Variants in CACNA2D3 observed in about 807,000 individuals in gnomAD.
CACNA2D3 encodes the protein voltage-dependent calcium channel subunit alpha-2/delta-3.
In CACNA2D3, 60 loss-of-function variants were observed where a neutral mutation model predicts 160.6. That is an observed-to-expected ratio of 0.37 (90% confidence interval 0.30 to 0.46). The LOEUF (loss-of-function observed/expected upper bound fraction) is 0.46, where lower values mean the gene tolerates loss of function less well. CACNA2D3 is among the 20% of genes least tolerant of loss of function. The pLI is 1.00. For missense variants in CACNA2D3, 1,205 were observed against 1,365.0 expected (o/e 0.88, Z 1.85); for synonymous variants, 558 against 492.9 (o/e 1.13, Z -1.75).
intron 13 of CACNA2D3, among the ~76,000 whole-genome samples, chr3:54,772,885 A>G (rs1702345350): frequency 6.6e-6 from 1 of 152,246 alleles, no homozygotes. Flanking sequence ...GGATAGAACC[A>G]GTATCAAACC....
intron 27 of CACNA2D3, among the ~76,000 whole-genome samples, chr3:54,963,433 G>A (rs761586966): frequency 3.3e-5 from 5 of 152,182 alleles, no homozygotes; most frequent in East Asian, 1.9e-4. Flanking sequence ...GTCCAGTACC[G>A]TAGCCTCTAG....
At chr3:54,938,235 C>T (rs745377487) in intron 27 of CACNA2D3, among the ~76,000 whole-genome samples, 2 of 152,224 alleles carry the variant, frequency 1.3e-5, no homozygotes, top group Non-Finnish European at 2.9e-5. Flanking sequence ...CTGGATGGGA[C>T]GTAACATTTC....
rs915111861 is a variant in CACNA2D3, at chr3:54,973,643, T to C, written c.2556+3799T>C. 3.1e-4 allele frequency among the ~76,000 whole-genome samples: 47 copies of C among 152,230 alleles called. 1 individual carries two copies. The highest frequency in any genetic ancestry group is 1.1e-3 in the African/African-American group (47 of 41,552). On this transcript the variant is annotated intron_variant, in intron 29 of 37. Transcript: ENST00000474759. Reference sequence around the variant, plus strand: ...CCAGGCAGCCAGGCGCCTGCCTGCATGTTGGACTGCCCACCTCAGCCAGAG... The same window carrying C: ...CCAGGCAGCCAGGCGCCTGCCTGCACGTTGGACTGCCCACCTCAGCCAGAG...
intron 9 of CACNA2D3, among the ~76,000 whole-genome samples, chr3:54,615,185 C>T (rs1368968076): frequency 6.6e-6 from 1 of 152,178 alleles, no homozygotes; most frequent in Non-Finnish European, 1.5e-5. Context: ...TATGTTGCAG[C>T]TTCTGATGAA....
chr3:54,704,306 G>A (rs1215460007), intron 11 of CACNA2D3, among the ~76,000 whole-genome samples: 2 of 152,222 alleles, frequency 1.3e-5, no homozygotes, highest in Non-Finnish European at 2.9e-5. Flanking sequence ...TGCATTAAAT[G>A]TGGTGTGACA....
intron 3 of CACNA2D3, among the ~76,000 whole-genome samples, chr3:54,374,223 C>T (rs1698970855): frequency 1.3e-5 from 2 of 152,242 alleles, no homozygotes; most frequent in African/African-American, 4.8e-5. Flanking sequence ...CACCAACGAT[C>T]TCCGGTGTCT....
At chr3:54,873,605 G>A (rs531672591) in intron 18 of CACNA2D3, among the ~76,000 whole-genome samples, 64 of 152,176 alleles carry the variant, frequency 4.2e-4, no homozygotes, top group African/African-American at 1.4e-3. Context: ...CATTGGATTC[G>A]CAGCCTCACG....
chr3:54,688,013 A>T (rs1700502697), intron 11 of CACNA2D3, among the ~76,000 whole-genome samples: 1 of 152,150 alleles, frequency 6.6e-6, no homozygotes, highest in Non-Finnish European at 1.5e-5. Context: ...TTGCGTCGTT[A>T]TTAACCAGAA....
intron 13 of CACNA2D3, among the ~76,000 whole-genome samples, chr3:54,772,299 T>C (rs1445014908): frequency 1.3e-5 from 2 of 151,682 alleles, no homozygotes; most frequent in African/African-American, 2.4e-5. Flanking sequence ...CAGCAGTAAA[T>C]ATAATTATAT....
At chr3:54,622,180 A>G (rs900601880) in intron 9 of CACNA2D3, among the ~76,000 whole-genome samples, 1 of 152,174 alleles carries the variant, frequency 6.6e-6, no homozygotes, top group African/African-American at 2.4e-5. Flanking sequence ...GGCAAAATTG[A>G]AGCCAGAGAA....
rs573451069 is a variant in CACNA2D3, at chr3:54,275,681, G to A, written c.205-44761G>A. ...CACCCAGGCTGGAGTGCAGTGGCAT[G>A]ATCTCAGCTCACTGCAACCTCCGCC... On this transcript the variant is annotated intron_variant, in intron 2 of 37. Transcript: ENST00000474759. 5.3e-5 allele frequency among the ~76,000 whole-genome samples: 8 copies of A among 152,236 alleles called. No individual in the cohort carries two copies. The South Asian group carries it at 1.7e-3, about 32-fold the overall frequency.
chr3:54,164,921 C>G (rs1700421374), intron 2 of CACNA2D3, among the ~76,000 whole-genome samples: 1 of 152,186 alleles, frequency 6.6e-6, no homozygotes, highest in Non-Finnish European at 1.5e-5. Flanking sequence ...ATAAGAAAGT[C>G]TGCGAAGCTC....
intron 2 of CACNA2D3, among the ~76,000 whole-genome samples, chr3:54,140,003 A>T (rs1290472927): frequency 6.6e-6 from 1 of 152,230 alleles, no homozygotes. Context: ...GGCTTAAAGC[A>T]GTTTCTCAGC....
At chr3:54,562,002 G>A (rs937480245) in intron 5 of CACNA2D3, among the ~76,000 whole-genome samples, 3 of 152,102 alleles carry the variant, frequency 2.0e-5, no homozygotes, top group African/African-American at 4.8e-5. Flanking sequence ...AGACTTATTC[G>A]CTATCATAAG....
At chr3:54,565,205 G>T (rs899714218) in intron 6 of CACNA2D3, among the ~76,000 whole-genome samples, 2 of 152,160 alleles carry the variant, frequency 1.3e-5, no homozygotes, top group Admixed American at 6.5e-5. Flanking sequence ...TTGTGGCTTT[G>T]CCTAGACTGC....
At chr3:54,798,039 G>C (rs1293205985) in intron 13 of CACNA2D3, among the ~76,000 whole-genome samples, 1 of 152,144 alleles carries the variant, frequency 6.6e-6, no homozygotes, top group South Asian at 2.1e-4. Context: ...TGAAAATCCC[G>C]TGAAAAGTGT....
At chr3:55,053,734 T>A (rs1235999443) in intron 35 of CACNA2D3, among the ~76,000 whole-genome samples, 1 of 152,018 alleles carries the variant, frequency 6.6e-6, no homozygotes, top group Non-Finnish European at 1.5e-5. Flanking sequence ...CAAATAAAGA[T>A]AATTTCTTCC....
In CACNA2D3 at chr3:54,276,512, G is replaced by A. The variant is rs558215403; in HGVS notation, c.205-43930G>A. 9.3e-5 allele frequency among the ~76,000 whole-genome samples: 14 copies of A among 151,056 alleles called. No individual in the cohort carries two copies. In the East Asian group the frequency reaches 2.7e-3, roughly 30 times the overall value. On this transcript the variant is annotated intron_variant, in intron 2 of 37. Transcript: ENST00000474759. ...TGCTTGAACTTGCGAGGTGGAGGTT[G>A]CAGTGAGCCAAGATCACGTGGCTGC... is the stretch of plus-strand genomic sequence containing the variant.
chr3:54,358,676 G>T lies in CACNA2D3; in HGVS notation c.322-28039G>T, dbSNP rs553569785. On this transcript the variant is annotated intron_variant, in intron 3 of 37. Transcript: ENST00000474759. ...TTCTTCTCTGAAAAATGGTCATGTT[G>T]TTCTCTCCAGCCCTGGAGCTTTGTA... Among the ~76,000 whole-genome samples the T allele has an allele frequency of 2.0e-5, 3 of 152,298 alleles. No homozygotes were observed. The South Asian group carries it at 6.2e-4, about 32-fold the overall frequency.
Sources: gnomAD v4.1 joint callset for allele counts (sites outside exome capture counted in the v4.1 genomes callset) on GRCh38, gnomAD v4.1.1 for gene constraint, MANE v1.5 for transcripts, NCBI Gene and HGNC (gene_info 2026-07-23, HGNC 2026-07-21) for gene names.